Variants in CNIH3 observed in about 807,000 individuals in gnomAD.
CNIH3 encodes cornichon family AMPA receptor auxiliary protein 3, also known as protein cornichon homolog 3.
A neutral mutation model predicts 24.1 loss-of-function variants in CNIH3; 14 were observed. The ratio of observed to expected loss-of-function variants is 0.58; its 90% CI spans 0.38 to 0.91. The LOEUF is 0.91. Ranked by LOEUF, CNIH3 falls within the 40% of genes least tolerant of loss-of-function variation. CNIH3 has a pLI of 0.00. For synonymous variants in CNIH3, 68 were observed against 73.8 expected, an observed-to-expected ratio of 0.92 and a Z score of 0.40; for missense variants, 178 against 196.8, an observed-to-expected ratio of 0.90 and a Z score of 0.57.
intron 1 of CNIH3, among the ~76,000 whole-genome samples, chr1:224,464,776 C>CT (rs1485553694): frequency 1.3e-5 from 2 of 151,850 alleles, no homozygotes; most frequent in African/African-American, 2.4e-5. Flanking sequence ...CTGTATTCTT[C>CT]TTTTTTTTAA....
In CNIH3 at chr1:224,454,381, A is replaced by C. The variant is rs1053829928; in HGVS notation, n.203+19519A>C. 3 of 882,726 alleles carry C rather than the reference A, an allele frequency of 3.4e-6. No homozygotes were observed. In the East Asian group the frequency reaches 3.6e-4, roughly 106 times the overall value. 54.7% of individuals were successfully genotyped at this position (882,726 alleles called of 1,614,324 possible). A position where few individuals can be genotyped will look rare whatever the true frequency, so the allele number is the denominator to read the frequency against. ...ATAATTCAACTATATTGTGTTGAAC[A>C]TAATTGAAATGTCATAAACCATCCA... On this transcript the variant is annotated intron_variant and non_coding_transcript_variant, in intron 1 of 5. Transcript: ENST00000471578.
intron 1 of CNIH3, among the ~76,000 whole-genome samples, chr1:224,508,725 C>CT (rs1281173474): frequency 6.6e-6 from 1 of 152,294 alleles, no homozygotes; most frequent in Non-Finnish European, 1.5e-5. Context: ...TAGTACAACT[C>CT]TAACTTCCAG....
chr1:224,661,197 C>T, intron 1 of CNIH3: 1 of 265,146 alleles, frequency 3.8e-6, no homozygotes, highest in Non-Finnish European at 8.0e-6. Context: ...ACAGCTGCTG[C>T]TCCTCACCAT....
intron 1 of CNIH3, among the ~76,000 whole-genome samples, chr1:224,654,871 C>T (rs1009711180): frequency 3.5e-4 from 53 of 152,126 alleles, no homozygotes; most frequent in African/African-American, 1.1e-3. Flanking sequence ...AAACTTTGAT[C>T]GGCCGTCCCT....
intron 1 of CNIH3, among the ~76,000 whole-genome samples, chr1:224,676,701 C>G (rs12143128): frequency 0.041 from 6,313 of 152,284 alleles, 212 homozygotes; most frequent in East Asian, 0.15. Context: ...CCCATCCTTA[C>G]ATCATTGTGT....
intron 5 of CNIH3, among the ~76,000 whole-genome samples, chr1:224,584,092 G>A (rs543433130): frequency 3.3e-5 from 5 of 152,152 alleles, no homozygotes; most frequent in South Asian, 4.2e-4. Context: ...AGAACTTAGC[G>A]GACAACTTTT....
intron 1 of CNIH3, among the ~76,000 whole-genome samples, chr1:224,465,790 G>A (rs1676130681): frequency 1.3e-5 from 2 of 152,198 alleles, no homozygotes; most frequent in Admixed American, 1.3e-4. Context: ...CACTTTGGGA[G>A]GCTGAGGCAG....
chr1:224,456,558 G>A (rs962808079), intron 1 of CNIH3, among the ~76,000 whole-genome samples: 10 of 152,122 alleles, frequency 6.6e-5, no homozygotes, highest in Non-Finnish European at 1.2e-4. Flanking sequence ...CAATAAGTGC[G>A]TGCCACCACA....
rs563247864 is a variant in CNIH3 at position 224,740,251 on chromosome 1, A to G, written c.*895A>G. ...TGTTTTATGATGCTGCATCATTTGT[A>G]CTGTTTAGGTCGACGTGAGGACATC... On this transcript the variant is annotated 3_prime_UTR_variant, in exon 6 of 6. Coordinates refer to ENST00000272133, the MANE Select transcript of CNIH3 (RefSeq NM_152495.2). The G allele has an allele frequency of 2.0e-5, 3 of 152,280 alleles. No individual in the cohort carries two copies. The highest frequency in any genetic ancestry group is 7.2e-5 in the African/African-American group (3 of 41,560). The allele number at this position is 152,280 out of a possible 1,614,324, so 9.4% of individuals were successfully genotyped here. A position where few individuals can be genotyped will look rare whatever the true frequency, so the allele number is the denominator to read the frequency against.
intron 2 of CNIH3, among the ~76,000 whole-genome samples, chr1:224,525,324 CA>C (rs1300622194): frequency 6.6e-6 from 1 of 152,236 alleles, no homozygotes; most frequent in Non-Finnish European, 1.5e-5. Context: ...GCCTAAGTTG[CA>C]GGCATTAACC....
intron 5 of CNIH3, among the ~76,000 whole-genome samples, chr1:224,585,588 C>T (rs1006966734): frequency 2.0e-5 from 3 of 151,962 alleles, no homozygotes; most frequent in Admixed American, 1.3e-4. Context: ...AAGCGGTCCT[C>T]CTGCCTCAAC....
intron 4 of CNIH3, chr1:224,575,521 G>A (rs551647122): frequency 1.6e-5 from 8 of 493,150 alleles, no homozygotes; most frequent in South Asian, 8.8e-5. Flanking sequence ...GGCCAGCGAG[G>A]GTGTGTCTAG....
chr1:224,549,995 T>C (rs544460389), intron 3 of CNIH3, among the ~76,000 whole-genome samples: 1 of 152,300 alleles, frequency 6.6e-6, no homozygotes, highest in South Asian at 2.1e-4. Context: ...TTATATGTCA[T>C]TAATATCACA....
chr1:224,549,324 G>T (rs1679824374), intron 3 of CNIH3, among the ~76,000 whole-genome samples: 1 of 151,872 alleles, frequency 6.6e-6, no homozygotes, highest in Non-Finnish European at 1.5e-5. Context: ...ATAACACAGT[G>T]TGTACAAACA....
At chr1:224,563,246 C>T (rs1445003574) in intron 3 of CNIH3, among the ~76,000 whole-genome samples, 1 of 151,900 alleles carries the variant, frequency 6.6e-6, no homozygotes, top group East Asian at 1.9e-4. Flanking sequence ...ATTACCCAGT[C>T]TCAGGTATTC....
intron 2 of CNIH3, among the ~76,000 whole-genome samples, chr1:224,545,858 G>T (rs1483707098): frequency 6.6e-6 from 1 of 152,154 alleles, no homozygotes; most frequent in African/African-American, 2.4e-5. Flanking sequence ...CGGACTGGGT[G>T]GCTTCACTAT....
intron 1 of CNIH3, among the ~76,000 whole-genome samples, chr1:224,678,932 T>A (rs1452958394): frequency 1.3e-5 from 2 of 152,004 alleles, no homozygotes; most frequent in Non-Finnish European, 2.9e-5. Context: ...AAATAGTAAA[T>A]ATTTTGGGTT....
At chr1:224,625,606 A>G (rs951150128) in intron 1 of CNIH3, among the ~76,000 whole-genome samples, 1 of 152,238 alleles carries the variant, frequency 6.6e-6, no homozygotes, top group African/African-American at 2.4e-5. Flanking sequence ...ATGGAATCCT[A>G]GACTTGGTAG....
chr1:224,561,701 G>A (rs1558161624), intron 3 of CNIH3, among the ~76,000 whole-genome samples: 1 of 152,192 alleles, frequency 6.6e-6, no homozygotes, highest in Admixed American at 6.5e-5. Flanking sequence ...AGACAAGTGT[G>A]GTCTGAAGGC....
Sources: allele counts gnomAD v4.1 joint callset (sites outside exome capture counted in the v4.1 genomes callset), GRCh38; gene constraint gnomAD v4.1.1; transcripts MANE v1.5; gene names NCBI Gene and HGNC (gene_info 2026-07-23, HGNC 2026-07-21).